Variants in GPC6 observed in about 807,000 individuals in gnomAD.
The protein encoded by GPC6 is glypican 6.
In GPC6, 14 loss-of-function variants were observed where a neutral mutation model predicts 55.2. That is an observed-to-expected ratio of 0.25 (90% CI 0.17 to 0.40). GPC6 has a LOEUF of 0.40. Among genes scored for constraint, GPC6 ranks in the 10% least tolerant of loss-of-function variants. GPC6 has a pLI of 1.00. For synonymous variants in GPC6, 278 were observed against 259.6 expected (o/e 1.07, Z -0.68); for missense variants, 641 against 708.5 (o/e 0.90, Z 1.08).
At chr13:93,653,512 AAC>A (rs1199452073) in intron 2 of GPC6, among the ~76,000 whole-genome samples, 4 of 151,810 alleles carry the variant, frequency 2.6e-5, no homozygotes, top group African/African-American at 9.7e-5. Context: ...CATTGTGTCA[AAC>A]ACTTTATTTG....
At chr13:94,116,515 G>C (rs1238767421) in intron 4 of GPC6, among the ~76,000 whole-genome samples, 3 of 152,008 alleles carry the variant, frequency 2.0e-5, no homozygotes, top group African/African-American at 7.2e-5. Flanking sequence ...GGCTTTTATG[G>C]TTAATAAATA....
intron 4 of GPC6, among the ~76,000 whole-genome samples, chr13:94,034,611 G>T (rs1005140424): frequency 6.6e-6 from 1 of 152,046 alleles, no homozygotes; most frequent in African/African-American, 2.4e-5. Context: ...CGTCATTCTA[G>T]GGGATGTGTG....
At chr13:93,317,310 C>CA (rs1329451950) in intron 1 of GPC6, among the ~76,000 whole-genome samples, 1 of 152,108 alleles carries the variant, frequency 6.6e-6, no homozygotes, top group Non-Finnish European at 1.5e-5. Flanking sequence ...TCAGACACCT[C>CA]AATGTTTTCC....
chr13:93,515,207 C>T (rs935560247), intron 1 of GPC6, among the ~76,000 whole-genome samples: 2 of 152,056 alleles, frequency 1.3e-5, no homozygotes, highest in African/African-American at 4.8e-5. Context: ...GGCGAAGGGT[C>T]CTCACTAGAT....
intron 4 of GPC6, among the ~76,000 whole-genome samples, chr13:94,147,471 CATAA>C (rs1225187523): frequency 2.0e-5 from 3 of 152,166 alleles, no homozygotes; most frequent in African/African-American, 7.2e-5. Context: ...TCCATTTTCT[CATAA>C]ATAAAGTATG....
chr13:93,895,128 A>G (rs943782667), intron 3 of GPC6, among the ~76,000 whole-genome samples: 3 of 149,090 alleles, frequency 2.0e-5, no homozygotes, highest in Non-Finnish European at 3.0e-5. Flanking sequence ...AAGTCCATAT[A>G]TGTCTATATA....
intron 6 of GPC6, 63 bp from the exon 7 acceptor site, chr13:94,382,351 T>C (rs1017684614): frequency 3.8e-6 from 6 of 1,580,894 alleles, no homozygotes; most frequent in East Asian, 4.5e-5. Context: ...GCGTACGTCC[T>C]TGTGTAGAAA....
chr13:93,449,646 G>A (rs1209197128), intron 1 of GPC6, among the ~76,000 whole-genome samples: 3 of 152,070 alleles, frequency 2.0e-5, no homozygotes, highest in Non-Finnish European at 2.9e-5. Flanking sequence ...TGGCCAACAT[G>A]GTGAAACCCC....
intron 2 of GPC6, among the ~76,000 whole-genome samples, chr13:93,727,567 G>T (rs548789681): frequency 6.6e-6 from 1 of 152,182 alleles, no homozygotes; most frequent in Non-Finnish European, 1.5e-5. Context: ...TTGGGCTTGT[G>T]GGCCATATTA....
At chr13:93,819,284 G>T (rs1038488329) in intron 2 of GPC6, among the ~76,000 whole-genome samples, 1 of 152,184 alleles carries the variant, frequency 6.6e-6, no homozygotes, top group South Asian at 2.1e-4. Flanking sequence ...TTGGTGGTTT[G>T]TTCTTGGAGT....
At chr13:93,400,271 CCTTT>C (rs1876019157) in intron 1 of GPC6, among the ~76,000 whole-genome samples, 1 of 151,678 alleles carries the variant, frequency 6.6e-6, no homozygotes, top group African/African-American at 2.4e-5. Flanking sequence ...CTCTTTTGTC[CCTTT>C]CTTTCTTCTA....
chr13:93,543,073 T>TG (rs878988455), intron 1 of GPC6, among the ~76,000 whole-genome samples: 118 of 152,028 alleles, frequency 7.8e-4, no homozygotes, highest in African/African-American at 2.7e-3. Context: ...TGAATAGGAG[T>TG]GTGAGAGAGG....
intron 6 of GPC6, among the ~76,000 whole-genome samples, chr13:94,368,426 C>A (rs956077140): frequency 1.1e-4 from 17 of 152,098 alleles, no homozygotes; most frequent in Admixed American, 4.6e-4. Flanking sequence ...GTTATTAGTA[C>A]AAGCAATTTC....
intron 2 of GPC6, among the ~76,000 whole-genome samples, chr13:93,550,116 T>G (rs1250968397): frequency 6.6e-6 from 1 of 152,158 alleles, no homozygotes; most frequent in Admixed American, 6.5e-5. Context: ...TGGGTGTTTT[T>G]TGTAAAAGCC....
At chr13:93,332,261 C>CTT (rs202196621) in intron 1 of GPC6, among the ~76,000 whole-genome samples, 223 of 129,938 alleles carry the variant, frequency 1.7e-3, no homozygotes, top group Middle Eastern at 0.012. Flanking sequence ...TTCTGTTTTT[C>CTT]TTTTTTTTTT....
intron 3 of GPC6, among the ~76,000 whole-genome samples, chr13:93,882,607 G>A (rs74111029): frequency 0.037 from 5,642 of 151,968 alleles, 286 homozygotes; most frequent in East Asian, 0.17. Flanking sequence ...CATTTTGTGT[G>A]ATGTAAAGTT....
chr13:94,110,798 A>G (rs780274658), intron 4 of GPC6, among the ~76,000 whole-genome samples: 10 of 152,160 alleles, frequency 6.6e-5, no homozygotes, highest in Non-Finnish European at 1.2e-4. Context: ...AAATAGAAAT[A>G]TTCATCAGTG....
chr13:93,922,551 C>T (rs1258085741), intron 3 of GPC6, among the ~76,000 whole-genome samples: 1 of 152,102 alleles, frequency 6.6e-6, no homozygotes, highest in Admixed American at 6.5e-5. Flanking sequence ...AGCTATGTTC[C>T]TAGTTTCTAC....
At chr13:93,749,677 G>A (rs1184837576) in intron 2 of GPC6, among the ~76,000 whole-genome samples, 1 of 151,892 alleles carries the variant, frequency 6.6e-6, no homozygotes, top group Non-Finnish European at 1.5e-5. Context: ...ATAATTAAAA[G>A]CAATAATAGT....
Sources: gnomAD v4.1 joint callset for allele counts (sites outside exome capture counted in the v4.1 genomes callset) on GRCh38, gnomAD v4.1.1 for gene constraint, MANE v1.5 for transcripts, NCBI Gene and HGNC (gene_info 2026-07-23, HGNC 2026-07-21) for gene names.